Variants in EPM2A observed in about 807,000 individuals in gnomAD.
EPM2A encodes the protein EPM2A glucan phosphatase, laforin.
EPM2A carries 21 observed loss-of-function variants against 26.5 expected under a neutral mutation model. That is an observed-to-expected ratio of 0.79 (90% CI 0.56 to 1.14). EPM2A has a LOEUF of 1.14. EPM2A is among the 50% of genes most tolerant of loss of function. The pLI is 0.00. For missense variants in EPM2A, 458 were observed against 440.8 expected, an observed-to-expected ratio of 1.04 and a Z score of -0.35; for synonymous variants, 217 against 177.6, an observed-to-expected ratio of 1.22 and a Z score of -1.76.
chr6:145,484,638 A>G (rs56220011), intron 4 of EPM2A, among the ~76,000 whole-genome samples: 6,485 of 152,172 alleles, frequency 0.043, 212 homozygotes, highest in African/African-American at 0.088. Context: ...ATCATGCAAA[A>G]GACAGACATA....
chr6:145,505,281 T>G (rs1247695554), intron 2 of EPM2A, among the ~76,000 whole-genome samples: 1 of 152,164 alleles, frequency 6.6e-6, no homozygotes, highest in Non-Finnish European at 1.5e-5. Context: ...AATTTCAGAC[T>G]TATAGAAAAG....
chr6:145,392,733 C>A (rs1778354005), intron 4 of EPM2A, among the ~76,000 whole-genome samples: 1 of 152,056 alleles, frequency 6.6e-6, no homozygotes, highest in African/African-American at 2.4e-5. Context: ...ATATATCAAC[C>A]AGGCCTTCTC....
chr6:145,612,369 A>C (rs1775409956), intron 2 of EPM2A, among the ~76,000 whole-genome samples: 1 of 152,218 alleles, frequency 6.6e-6, no homozygotes, highest in Admixed American at 6.5e-5. Flanking sequence ...TGTTCAAAAA[A>C]CATGCACTCA....
At chr6:145,584,600 A>C (rs1409244395) in intron 2 of EPM2A, among the ~76,000 whole-genome samples, 2 of 152,164 alleles carry the variant, frequency 1.3e-5, no homozygotes, top group Non-Finnish European at 2.9e-5. Context: ...TGTCTCTGCC[A>C]GCTCAAGTGT....
At chr6:145,481,221 GGA>G (rs1254729528) in intron 4 of EPM2A, among the ~76,000 whole-genome samples, 1 of 152,048 alleles carries the variant, frequency 6.6e-6, no homozygotes, top group Non-Finnish European at 1.5e-5. Flanking sequence ...TTTGGATAGT[GGA>G]GAAGGATGCC....
intron 3 of EPM2A, among the ~76,000 whole-genome samples, chr6:145,502,326 A>G (rs1264990328): frequency 6.6e-6 from 1 of 152,244 alleles, no homozygotes; most frequent in Non-Finnish European, 1.5e-5. Flanking sequence ...TCCATCTGCC[A>G]CACAGCTCTG....
chr6:145,729,169 G>A (rs1352533175), intron 1 of EPM2A, among the ~76,000 whole-genome samples: 1 of 152,216 alleles, frequency 6.6e-6, no homozygotes, highest in African/African-American at 2.4e-5. Flanking sequence ...CCAGGCAGAA[G>A]TCTGCTGCAG....
intron 1 of EPM2A, among the ~76,000 whole-genome samples, chr6:145,697,125 T>A (rs1781638568): frequency 6.6e-6 from 1 of 152,106 alleles, no homozygotes; most frequent in South Asian, 2.1e-4. Context: ...TTCACGTAGG[T>A]TCTTTTCTAT....
At chr6:145,729,059 T>C (rs1776351148) in intron 1 of EPM2A, among the ~76,000 whole-genome samples, 1 of 152,168 alleles carries the variant, frequency 6.6e-6, no homozygotes, top group Non-Finnish European at 1.5e-5. Context: ...TCCTTGGAAG[T>C]TTCCATGTGA....
Position 145,395,220 on chromosome 6 carries a change from G to A in EPM2A, c.556-11123C>T, listed in dbSNP as rs180709366. 2.1e-3 allele frequency among the ~76,000 whole-genome samples: 318 copies of A among 152,214 alleles called. 3 individuals carry two copies. The highest frequency in any genetic ancestry group is 6.9e-3 in the African/African-American group (288 of 41,542). On this transcript the variant is annotated intron_variant, in intron 4 of 4. Transcript: ENST00000638717. ...GTCTTTAATGGCACAACCTCTATAT[G>A]CTTTACTTAAAGTTTTCTCCTCTGA...
At position 145,555,066 on chromosome 6, in the gene EPM2A, G is replaced by C. The variant is rs148329485; in HGVS notation, c.341-52491C>G. On this transcript the variant is annotated intron_variant, in intron 2 of 3. Transcript: ENST00000450221. ...CAACTTATCACCATAGCCTAGCTAA[G>C]TTGACACATAAAATTAATGATCACA... is the stretch of plus-strand genomic sequence containing the variant. Among the ~76,000 whole-genome samples the C allele has an allele frequency of 9.9e-3, 1,505 of 152,224 alleles. 10 individuals carry two copies. Among genetic ancestry groups the C allele is most frequent in the Non-Finnish European group, 0.015 (1,025 of 67,980 alleles).
chr6:145,722,344 G>A (rs1309159559), intron 1 of EPM2A, among the ~76,000 whole-genome samples: 1 of 152,154 alleles, frequency 6.6e-6, no homozygotes, highest in Admixed American at 6.5e-5. Context: ...CAAGGAAAAG[G>A]ACCAGTTGGA....
At chr6:145,448,939 A>G (rs1779163485) in intron 4 of EPM2A, among the ~76,000 whole-genome samples, 1 of 152,180 alleles carries the variant, frequency 6.6e-6, no homozygotes. Context: ...GCAGTGTAAA[A>G]CCATGGGCCT....
intron 2 of EPM2A, among the ~76,000 whole-genome samples, chr6:145,575,993 G>T (rs766652933): frequency 1.3e-5 from 2 of 152,116 alleles, no homozygotes; most frequent in African/African-American, 4.8e-5. Flanking sequence ...GTGCCACCAC[G>T]CCTGGCTAAT....
intron 2 of EPM2A, among the ~76,000 whole-genome samples, chr6:145,585,926 C>T (rs1039602428): frequency 5.9e-5 from 9 of 152,126 alleles, no homozygotes; most frequent in African/African-American, 2.2e-4. Flanking sequence ...TTAGGTTTTC[C>T]AGTTTGGCTC....
At chr6:145,701,857 T>G (rs1446980600) in intron 1 of EPM2A, among the ~76,000 whole-genome samples, 1 of 152,152 alleles carries the variant, frequency 6.6e-6, no homozygotes, top group Non-Finnish European at 1.5e-5. Context: ...AAGTCAGCAG[T>G]AAAAGTAGAA....
chr6:145,663,452 G>A (rs1477418217), intron 2 of EPM2A, among the ~76,000 whole-genome samples: 7 of 152,238 alleles, frequency 4.6e-5, no homozygotes, highest in Admixed American at 6.5e-5. Context: ...CCTGGGAAGC[G>A]CAAGGGGTCA....
chr6:145,626,042 AATG>A lies in EPM2A; in HGVS notation c.*1371_*1373del, dbSNP rs1441402453. On this transcript the variant is annotated 3_prime_UTR_variant, in exon 4 of 4. Transcript: ENST00000367519. ...GTTTCCCCATCTTTATCATGGAGAT[AATG>A]AGACCTTCTTCATTGGATATTGTGA... The A allele has an allele frequency of 1.4e-5, 16 of 1,149,036 alleles. No homozygotes were observed. Among genetic ancestry groups the A allele is most frequent in the Non-Finnish European group, 2.2e-6 (2 of 905,974 alleles). The allele number at this position is 1,149,036 out of a possible 1,614,324, so 71.2% of individuals were successfully genotyped here.
chr6:145,658,694 AT>A (rs1336146744), intron 2 of EPM2A, among the ~76,000 whole-genome samples: 1 of 152,206 alleles, frequency 6.6e-6, no homozygotes, highest in Non-Finnish European at 1.5e-5. Context: ...GTTAAAAAAA[AT>A]CTATCTTGCT....
Sources: allele counts gnomAD v4.1 joint callset (sites outside exome capture counted in the v4.1 genomes callset), GRCh38; gene constraint gnomAD v4.1.1; transcripts MANE v1.5; gene names NCBI Gene and HGNC (gene_info 2026-07-23, HGNC 2026-07-21).